PYGB: variants seen among roughly 807,000 people sequenced by gnomAD.
PYGB encodes the protein glycogen phosphorylase, brain form.
Under a neutral mutation model 94.3 loss-of-function variants are expected in PYGB, and 82 were observed. That is an observed-to-expected ratio of 0.87 (90% CI 0.73 to 1.04). PYGB has a LOEUF of 1.04. Among genes scored for constraint, PYGB ranks in the 50% least tolerant of loss-of-function variants. The pLI is 0.00. For missense variants in PYGB, 1,132 were observed against 1,158.2 expected (o/e 0.98, Z 0.33); for synonymous variants, 488 against 479.1 (o/e 1.02, Z -0.24).
At position 25,284,392 on chromosome 20, in the gene PYGB, T is replaced by G. The variant is rs1377832109; in HGVS notation, c.1768+141T>G. On this transcript the variant is annotated intron_variant, in intron 14 of 19. Transcript: ENST00000216962. ...GTGTGCATGTGTGATGTGGCACGTT[T>G]ATTTTAAGCAAAAGCCATGTTTTTC... The G allele has an allele frequency of 2.2e-5, 26 of 1,191,388 alleles. 2 individuals are homozygous for G. Among genetic ancestry groups the G allele is most frequent in the Middle Eastern group, 5.9e-4 (2 of 3,416 alleles). The allele number at this position is 1,191,388 out of a possible 1,614,324, so 73.8% of individuals were successfully genotyped here. A position where few individuals can be genotyped will look rare whatever the true frequency, so the allele number is the denominator to read the frequency against.
intron 2 of PYGB, among the ~76,000 whole-genome samples, chr20:25,268,466 T>G (rs2088238936): frequency 6.6e-6 from 1 of 152,128 alleles, no homozygotes; most frequent in African/African-American, 2.4e-5. Context: ...TGAATTCATA[T>G]GTATACTTTA....
intron 15 of PYGB, 46 bp downstream of exon 15, chr20:25,288,529 G>A (rs769222846): frequency 7.1e-5 from 113 of 1,594,538 alleles, no homozygotes; most frequent in Non-Finnish European, 9.5e-5. Context: ...TTGGTCTGGG[G>A]ATAGTGGGTG....
intron 1 of PYGB, among the ~76,000 whole-genome samples, chr20:25,254,959 A>T (rs1044002609): frequency 6.6e-6 from 1 of 152,228 alleles, no homozygotes; most frequent in African/African-American, 2.4e-5. Flanking sequence ...ACATTTTCAA[A>T]ATTGAGCAAA....
chr20:25,296,201 G>T (rs151223737), intron 19 of PYGB, among the ~76,000 whole-genome samples, 169 bp from the exon 20 acceptor site: 3 of 152,136 alleles, frequency 2.0e-5, no homozygotes, highest in African/African-American at 2.4e-5. Context: ...TTCCTGGTCC[G>T]TGGGGTCCCC....
At position 25,248,346 on chromosome 20, in the gene PYGB, G is replaced by A; in HGVS notation, c.168G>A (p.Leu56=). 3 of 1,602,274 alleles carry A rather than the reference G, an allele frequency of 1.9e-6. No individual in the cohort carries two copies. Among genetic ancestry groups the A allele is most frequent in the Non-Finnish European group, 2.6e-6 (3 of 1,175,256 alleles). Reference sequence around the variant, plus strand: ...CGCCCCGCGACTACTTCTTCGCGCTGGCGCACACGGTGCGCGACCACCTCG... The same window carrying A: ...CGCCCCGCGACTACTTCTTCGCGCTAGCGCACACGGTGCGCGACCACCTCG... ...VATPRDYFFA[L]AHTVRDHLVG... The change falls in exon 1 of 20, where the codon CTG becomes CTA. Residue 56 remains leucine, a synonymous_variant. Transcript: ENST00000216962.
intron 14 of PYGB, 53 bp from the exon 15 acceptor site, chr20:25,288,372 G>C (rs2088436539): frequency 1.9e-6 from 3 of 1,604,872 alleles, no homozygotes; most frequent in Non-Finnish European, 2.6e-6. Flanking sequence ...GCCCCAGCAG[G>C]GGCTCGTCCG....
At chr20:25,269,835 C>A (rs565235699) in intron 3 of PYGB, among the ~76,000 whole-genome samples, 1 of 152,208 alleles carries the variant, frequency 6.6e-6, no homozygotes, top group South Asian at 2.1e-4. Flanking sequence ...GCTCCCTCCC[C>A]GGCCCCGAGA....
intron 3 of PYGB, among the ~76,000 whole-genome samples, chr20:25,269,967 C>G (rs763317448): frequency 7.2e-5 from 11 of 152,144 alleles, no homozygotes; most frequent in Non-Finnish European, 1.6e-4. Flanking sequence ...CTTCTGCCCA[C>G]AGGGTCCTGT....
At chr20:25,281,949 C>T in intron 11 of PYGB, 84 bp from the exon 12 acceptor site, 1 of 1,183,342 alleles carries the variant, frequency 8.5e-7, no homozygotes, top group Non-Finnish European at 1.3e-6. Context: ...CTCCTGGGAC[C>T]TCCTTAAAAG....
intron 1 of PYGB, among the ~76,000 whole-genome samples, chr20:25,253,471 G>A (rs2092894078): frequency 6.6e-6 from 1 of 151,890 alleles, no homozygotes; most frequent in South Asian, 2.1e-4. Flanking sequence ...GACCAATATG[G>A]TGAAACCTGG....
intron 14 of PYGB, among the ~76,000 whole-genome samples, chr20:25,287,891 G>A (rs1321953573): frequency 1.3e-5 from 2 of 151,586 alleles, no homozygotes; most frequent in Non-Finnish European, 2.9e-5. Flanking sequence ...TGAGGTGGGA[G>A]GATTGCTTGA....
In PYGB at chr20:25,292,579, C is replaced by T. The variant is rs201026212; in HGVS notation, c.2143C>T (p.Arg715Trp). Residue 715 changes from arginine to tryptophan, a missense_variant, in exon 17 of 20, where the codon CGG becomes TGG. Coordinates refer to ENST00000216962, the MANE Select transcript of PYGB (RefSeq NM_002862.4). Reference sequence around the variant, plus strand: ...CGAGAACCTCTTCATCTTCGGCCTGCGGGTGGAGGATGTCGAGGCCTTGGA... The same window carrying T: ...CGAGAACCTCTTCATCTTCGGCCTGTGGGTGGAGGATGTCGAGGCCTTGGA... ...GAENLFIFGL[R>W]VEDVEALDRK... 2.5e-5 allele frequency: 41 copies of T among 1,612,544 alleles called. No individual in the cohort carries two copies. Among genetic ancestry groups the T allele is most frequent in the Middle Eastern group, 1.6e-4 (1 of 6,082 alleles).
At chr20:25,254,015 T>C (rs2092895840) in intron 1 of PYGB, among the ~76,000 whole-genome samples, 1 of 149,434 alleles carries the variant, frequency 6.7e-6, no homozygotes, top group Non-Finnish European at 1.5e-5. Context: ...CAGGTTGCAG[T>C]GAGCTGAGAT....
chr20:25,252,421 T>A (rs2123506993), intron 1 of PYGB, among the ~76,000 whole-genome samples: 1 of 152,340 alleles, frequency 6.6e-6, no homozygotes, highest in Admixed American at 6.5e-5. Context: ...TCAGTTCCGT[T>A]CTGATGCTGT....
intron 2 of PYGB, among the ~76,000 whole-genome samples, chr20:25,259,805 T>C (rs1260801360): frequency 6.6e-6 from 1 of 152,216 alleles, no homozygotes; most frequent in Non-Finnish European, 1.5e-5. Flanking sequence ...TTGAGAGTTC[T>C]TCATTAGCAC....
intron 16 of PYGB, among the ~76,000 whole-genome samples, chr20:25,290,875 G>A (rs2088460820): frequency 6.6e-6 from 1 of 152,274 alleles, no homozygotes; most frequent in African/African-American, 2.4e-5. Flanking sequence ...CCTTACTGCC[G>A]CGCCTGCCTG....
chr20:25,276,113 T>G (rs866946854), intron 5 of PYGB, among the ~76,000 whole-genome samples: 24 of 150,702 alleles, frequency 1.6e-4, no homozygotes, highest in African/African-American at 4.9e-4. Flanking sequence ...CAGGCTGGGG[T>G]GGAGGGAGCG....
chr20:25,271,412 G>T lies in PYGB; in HGVS notation c.454G>T (p.Gly152Cys), dbSNP rs753970590. 8 of 1,614,074 alleles carry T rather than the reference G, an allele frequency of 5.0e-6. No homozygotes were observed. The East Asian group carries it at 1.8e-4, about 36-fold the overall frequency. ...TTTCCTTGACTCAATGGCTACCTTG[G>T]GCCTGGCAGCATACGGCTATGGAAT... ...ACFLDSMATL[G>C]LAAYGYGIRY... Residue 152 changes from glycine to cysteine, a missense_variant, in exon 4 of 20, where the codon GGC becomes TGC. Physicochemically the swap from Gly to Cys is radical, Grantham distance 159. Transcript: ENST00000216962.
chr20:25,259,897 G>A lies in PYGB; in HGVS notation c.345+559G>A, dbSNP rs73341157. Among the ~76,000 whole-genome samples, 1,014 of 152,278 alleles carry A rather than the reference G, an allele frequency of 6.7e-3. 15 individuals are homozygous for A. The highest frequency in any genetic ancestry group is 0.023 in the African/African-American group (971 of 41,534). ...GCCATTGGCTTTTTGGTCTGTCTTC[G>A]CTTCCCTTCCCAGCTGAGTCTCTAG... On this transcript the variant is annotated intron_variant, in intron 2 of 19. Coordinates refer to ENST00000216962, the MANE Select transcript of PYGB (RefSeq NM_002862.4).
Sources: allele counts gnomAD v4.1 joint callset (sites outside exome capture counted in the v4.1 genomes callset), GRCh38; gene constraint gnomAD v4.1.1; transcripts MANE v1.5; gene names NCBI Gene and HGNC (gene_info 2026-07-23, HGNC 2026-07-21).